GRHL3: variants seen among roughly 807,000 people sequenced by gnomAD.
GRHL3 encodes the protein grainyhead like transcription factor 3.
GRHL3 carries 20 observed loss-of-function variants against 70.3 expected under a neutral mutation model. The observed-to-expected ratio is 0.28, with a 90% CI of 0.20 to 0.41. GRHL3 has a LOEUF of 0.41. Among genes scored for constraint, GRHL3 ranks in the 10% least tolerant of loss-of-function variants. The probability of loss-of-function intolerance (pLI) is 1.00; values close to 1 mark genes in which losing one functional copy is unlikely to be tolerated. For missense variants in GRHL3, 637 were observed against 762.3 expected (o/e 0.84, Z 1.94); for synonymous variants, 299 against 299.9 (o/e 1.00, Z 0.03).
chr1:24,343,340 T>C, intron 11 of GRHL3: 1 of 326,296 alleles, frequency 3.1e-6, no homozygotes, highest in South Asian at 4.3e-5. Context: ...ACGGCAGCAC[T>C]TGTGGTGCTC....
chr1:24,357,402 T>G (rs1640795099), downstream of GRHL3: 1 of 152,396 alleles, frequency 6.6e-6, no homozygotes, highest in African/African-American at 2.4e-5. Flanking sequence ...GTGGCGCTTC[T>G]CAACCTACAC....
intron 12 of GRHL3, 55 bp from the exon 13 acceptor site, chr1:24,346,498 G>C (rs1640289513): frequency 7.8e-7 from 1 of 1,278,532 alleles, no homozygotes; most frequent in African/African-American, 1.5e-5. Context: ...CAGGGTCCTT[G>C]AGCCTCTAGG....
chr1:24,319,698 TG>T, intron 1 of GRHL3, 130 bp downstream of exon 1: 1 of 1,595,390 alleles, frequency 6.3e-7, no homozygotes. Context: ...ATGAATGGGC[TG>T]ACGATCTTAC....
Position 24,334,305 on chromosome 1 carries a change from A to G in GRHL3, c.205-340A>G, listed in dbSNP as rs1428775483. On this transcript the variant is annotated intron_variant, in intron 2 of 15. Transcript: ENST00000361548. The surrounding 1 kb of genome is among the most constrained non-coding windows in gnomAD (Gnocchi z 4.3). The stretch of plus-strand genomic sequence containing the variant: ...GCCAGGGAGGCGTCAGGAAACTTAA[A>G]TCATGGAGGAAGGGGAAGCAAACAC... Among the ~76,000 whole-genome samples, 18 of 152,196 alleles carry G rather than the reference A, an allele frequency of 1.2e-4. No homozygotes were observed. The highest frequency in any genetic ancestry group is 1.1e-3 in the Admixed American group (17 of 15,284).
rs986397724 is a variant in GRHL3 at position 24,322,288 on chromosome 1, G to C, written c.17+2720G>C. Among the ~76,000 whole-genome samples the C allele has an allele frequency of 6.6e-6, 1 of 152,170 alleles. No individual in the cohort carries two copies. The highest frequency in any genetic ancestry group is 2.4e-5 in the African/African-American group (1 of 41,452). On this transcript the variant is annotated intron_variant, in intron 1 of 15. Coordinates refer to ENST00000361548, the MANE Select transcript of GRHL3 (RefSeq NM_198173.3). The surrounding 1 kb of genome is among the most constrained non-coding windows in gnomAD (Gnocchi z 4.4). The stretch of plus-strand genomic sequence containing the variant: ...GCCTCGCAGAGACGCGACTCGGTTG[G>C]GGGAAGGGGACTAGAACCGTCGCAG...
chr1:24,324,076 C>G (rs2148645745), intron 1 of GRHL3, among the ~76,000 whole-genome samples: 2 of 152,078 alleles, frequency 1.3e-5, no homozygotes, highest in South Asian at 4.2e-4. Context: ...GATGTGGCAC[C>G]CCCGGGTTTA....
chr1:24,336,501 T>G lies in GRHL3; in HGVS notation c.286T>G (p.Tyr96Asp), dbSNP rs750417670. 5.7e-6 allele frequency: 9 copies of G among 1,589,992 alleles called. No individual in the cohort carries two copies. In the Admixed American group the frequency reaches 1.6e-4, roughly 27 times the overall value. Residue 96 changes from tyrosine (Y) to aspartate (D), a missense_variant, in exon 4 of 16, where the codon TAT becomes GAT. Tyr to Asp is a radical substitution (Grantham distance 160). Transcript: ENST00000361548. ...QGKRYYHGME[Y>D]ETDLTPLESP... The stretch of plus-strand genomic sequence containing the variant: ...CCCCAGGTACTACCATGGCATGGAA[T>G]ATGAGACGGACCTCACTCCCCTTGA...
chr1:24,344,746 A>G lies in GRHL3; in HGVS notation c.1420-151A>G, dbSNP rs545935387. On this transcript the variant is annotated intron_variant, in intron 11 of 15. Transcript: ENST00000361548. Reference sequence around the variant, plus strand: ...TCAACATCTCAGGTCACTTAAGGGCACTTGTCTGAGCAGAATGGGCTAGAA... The same window carrying G: ...TCAACATCTCAGGTCACTTAAGGGCGCTTGTCTGAGCAGAATGGGCTAGAA... 1.1e-5 allele frequency: 9 copies of G among 816,986 alleles called. No homozygotes were observed. The African/African-American group carries it at 1.5e-4, about 14-fold the overall frequency. 50.6% of individuals were successfully genotyped at this position (816,986 alleles called of 1,614,324 possible). A position where few individuals can be genotyped will look rare whatever the true frequency, so the allele number is the denominator to read the frequency against.
rs1024560512 is a variant in GRHL3, at chr1:24,321,149, T to C, written c.17+1581T>C. ...AAAACTGCGGAGGCTACAGACAGAA[T>C]CTATTCATTACTGCACGTTAGGGGG... is the stretch of plus-strand genomic sequence containing the variant. On this transcript the variant is annotated intron_variant, in intron 1 of 15. Coordinates refer to ENST00000361548, the MANE Select transcript of GRHL3 (RefSeq NM_198173.3). This position sits in a 1 kb window ranked among gnomAD's most constrained non-coding sequence, Gnocchi z 4.0. Among the ~76,000 whole-genome samples the C allele has an allele frequency of 3.3e-5, 5 of 152,244 alleles. No individual in the cohort carries two copies. The highest frequency in any genetic ancestry group is 4.8e-5 in the African/African-American group (2 of 41,472).
Position 24,334,479 on chromosome 1 carries a change from C to T in GRHL3, c.205-166C>T, listed in dbSNP as rs1425353926. ...CCCATCATGCAATTACCTCCCACTC[C>T]CATGTGATTATGGGAACTACGATTC... On this transcript the variant is annotated intron_variant, in intron 2 of 15. Coordinates refer to ENST00000361548, the MANE Select transcript of GRHL3 (RefSeq NM_198173.3). The surrounding 1 kb of genome is among the most constrained non-coding windows in gnomAD (Gnocchi z 4.3). 1.3e-5 allele frequency among the ~76,000 whole-genome samples: 2 copies of T among 152,110 alleles called. No homozygotes were observed. The highest frequency in any genetic ancestry group is 2.9e-5 in the Non-Finnish European group (2 of 68,014).
intron 14 of GRHL3, 24 bp from the exon 15 acceptor site, chr1:24,350,034 G>A (rs761046416): frequency 3.2e-6 from 5 of 1,583,514 alleles, no homozygotes; most frequent in Middle Eastern, 3.3e-4. Flanking sequence ...AGCAGGCAAT[G>A]AATCACCTGT....
At chr1:24,350,664 G>A (rs1024428839) in intron 15 of GRHL3, among the ~76,000 whole-genome samples, 1 of 152,362 alleles carries the variant, frequency 6.6e-6, no homozygotes, top group African/African-American at 2.4e-5. Flanking sequence ...TGACAGAGCC[G>A]TAGGCAGGAA....
At chr1:24,339,924 C>T (rs1639973488) in intron 8 of GRHL3, among the ~76,000 whole-genome samples, 162 bp downstream of exon 8, 1 of 152,194 alleles carries the variant, frequency 6.6e-6, no homozygotes, top group Admixed American at 6.5e-5. Flanking sequence ...GCTTTGGAGC[C>T]AGGCAGGCTG....
Position 24,338,081 on chromosome 1 carries a change from C to G in GRHL3, c.930C>G (p.Ala310=). 3 of 1,611,038 alleles carry G rather than the reference C, an allele frequency of 1.9e-6. No homozygotes were observed. The highest frequency in any genetic ancestry group is 8.5e-7 in the Non-Finnish European group (1 of 1,178,252). Residue 310 remains alanine (A), a synonymous_variant, in exon 7 of 16, where the codon GCC becomes GCG. Transcript: ENST00000361548. ...WKHWHSRQPT[A]KQRVIDVADC... is the part of the protein sequence containing the mutation. ...ACTGGCATTCCCGGCAACCCACTGC[C>G]AAGCAGCGGGTCATTGACGTGGGTG... is the stretch of plus-strand genomic sequence containing the variant.
At chr1:24,362,365 GGAGA>G (rs1288393499) in intron 15 of GRHL3, among the ~76,000 whole-genome samples, 1 of 152,196 alleles carries the variant, frequency 6.6e-6, no homozygotes, top group Admixed American at 6.5e-5. Context: ...CTAGCAATAT[GGAGA>G]AAGCATGATG....
chr1:24,340,343 T>A (rs1276732336), intron 8 of GRHL3, among the ~76,000 whole-genome samples: 1 of 152,126 alleles, frequency 6.6e-6, no homozygotes, highest in South Asian at 2.1e-4. Flanking sequence ...ACCTGCCTGC[T>A]AGGATTGGAG....
intron 1 of GRHL3, 49 bp from the exon 2 acceptor site, chr1:24,331,377 G>A (rs779902936): frequency 3.3e-5 from 50 of 1,533,910 alleles, no homozygotes; most frequent in East Asian, 6.9e-5. Flanking sequence ...CCCATTCACG[G>A]ACCTTCCTCT....
At chr1:24,339,818 C>A in intron 8 of GRHL3, 56 bp downstream of exon 8, 1 of 1,186,126 alleles carries the variant, frequency 8.4e-7, no homozygotes, top group Non-Finnish European at 1.2e-6. Flanking sequence ...AGTCCCTATT[C>A]TGGGGTAGAG....
chr1:24,327,854 T>G (rs921961843), intron 1 of GRHL3, among the ~76,000 whole-genome samples: 1 of 152,360 alleles, frequency 6.6e-6, no homozygotes, highest in Non-Finnish European at 1.5e-5. Context: ...AATCCTTATT[T>G]GTAATCTTTA....
Sources: allele counts gnomAD v4.1 joint callset (sites outside exome capture counted in the v4.1 genomes callset), GRCh38; gene constraint gnomAD v4.1.1; non-coding constraint Gnocchi (gnomAD v3.1); transcripts MANE v1.5; gene names NCBI Gene and HGNC (gene_info 2026-07-23, HGNC 2026-07-21).